Variants in ARID5B observed in about 807,000 individuals in gnomAD.
The protein encoded by ARID5B is AT-rich interactive domain-containing protein 5B.
In ARID5B, 13 loss-of-function variants were observed where a neutral mutation model predicts 97.2. That is an observed-to-expected ratio of 0.13 (90% CI 0.09 to 0.21). ARID5B has a LOEUF of 0.21. Among genes scored for constraint, ARID5B ranks in the 10% least tolerant of loss-of-function variants. ARID5B has a pLI of 1.00. For missense variants in ARID5B, 1,210 were observed against 1,465.3 expected, an observed-to-expected ratio of 0.83 and a Z score of 2.84; for synonymous variants, 556 against 570.3, an observed-to-expected ratio of 0.97 and a Z score of 0.36.
At chr10:62,003,966 CTATT>C (rs1371419296) in intron 4 of ARID5B, among the ~76,000 whole-genome samples, 4 of 151,978 alleles carry the variant, frequency 2.6e-5, no homozygotes, top group African/African-American at 9.7e-5. Flanking sequence ...TTTTATGAAG[CTATT>C]TAATGAAAAG....
intron 4 of ARID5B, among the ~76,000 whole-genome samples, chr10:62,006,251 G>A (rs1351684607): frequency 1.3e-5 from 2 of 152,140 alleles, no homozygotes; most frequent in Non-Finnish European, 2.9e-5. Flanking sequence ...AGACCAGCCT[G>A]GCCAATGTGG....
chr10:62,049,701 A>G (rs1417182356), intron 4 of ARID5B, among the ~76,000 whole-genome samples: 1 of 152,196 alleles, frequency 6.6e-6, no homozygotes, highest in African/African-American at 2.4e-5. Context: ...TTCCACCAAC[A>G]GTAAAACTGT....
At chr10:62,077,608 C>T (rs1840155682) in intron 8 of ARID5B, among the ~76,000 whole-genome samples, 1 of 152,136 alleles carries the variant, frequency 6.6e-6, no homozygotes, top group Non-Finnish European at 1.5e-5. Flanking sequence ...ATCCTACTTC[C>T]TCTGTCCCAT....
intron 3 of ARID5B, among the ~76,000 whole-genome samples, chr10:61,950,895 A>G (rs767216245): frequency 1.3e-5 from 2 of 152,194 alleles, no homozygotes; most frequent in African/African-American, 2.4e-5. Context: ...CTTGGAACAC[A>G]AAGCAGATAT....
chr10:61,929,001 CT>C (rs1201179138), intron 2 of ARID5B, among the ~76,000 whole-genome samples: 4 of 152,148 alleles, frequency 2.6e-5, no homozygotes, highest in Non-Finnish European at 4.4e-5. Flanking sequence ...ATTCTTCCCC[CT>C]ACCCGTCTCC....
chr10:62,003,244 C>T (rs554902995), intron 4 of ARID5B, among the ~76,000 whole-genome samples: 1 of 152,248 alleles, frequency 6.6e-6, no homozygotes, highest in African/African-American at 2.4e-5. Context: ...AGGATTAACA[C>T]ACCTGAAAGG....
intron 3 of ARID5B, among the ~76,000 whole-genome samples, chr10:61,950,404 C>T (rs1375282619): frequency 1.3e-5 from 2 of 152,194 alleles, no homozygotes; most frequent in Middle Eastern, 3.2e-3. Context: ...CACAGTGGCT[C>T]ACGCCTATAA....
intron 4 of ARID5B, among the ~76,000 whole-genome samples, chr10:62,037,589 G>A (rs1186283631): frequency 6.6e-6 from 1 of 152,146 alleles, no homozygotes; most frequent in Non-Finnish European, 1.5e-5. Context: ...CTTTGAGAAC[G>A]CACCTTGTGT....
rs1475698360 is a variant in ARID5B, at chr10:62,093,693, CT to C, written c.*667del. On this transcript the variant is annotated 3_prime_UTR_variant, in exon 10 of 10. Transcript: ENST00000279873. Reference sequence around the variant, plus strand: ...TTTTTTTTTTTATTAAATGGTATTGCTTTTGTTTGCAGGTCTTTTTGTTTTT... The same window carrying C: ...TTTTTTTTTTTATTAAATGGTATTGCTTTGTTTGCAGGTCTTTTTGTTTTT... 1 of 55,422 alleles carries C rather than the reference CT, an allele frequency of 1.8e-5. No individual in the cohort carries two copies. Among genetic ancestry groups the C allele is most frequent in the East Asian group, 1.5e-4 (1 of 6,486 alleles). 3.4% of individuals were successfully genotyped at this position (55,422 alleles called of 1,614,324 possible).
chr10:62,004,668 T>C (rs1156913761), intron 4 of ARID5B, among the ~76,000 whole-genome samples: 1 of 152,256 alleles, frequency 6.6e-6, no homozygotes, highest in Non-Finnish European at 1.5e-5. Context: ...TATTGTGTTA[T>C]TTCCTATGCA....
intron 3 of ARID5B, among the ~76,000 whole-genome samples, chr10:61,962,063 T>C (rs1434117644): frequency 6.6e-6 from 1 of 152,192 alleles, no homozygotes; most frequent in Non-Finnish European, 1.5e-5. Context: ...CGGCAATTTC[T>C]GAATACAGAT....
intron 3 of ARID5B, among the ~76,000 whole-genome samples, chr10:61,943,487 CTGG>C (rs1195116702): frequency 1.4e-5 from 2 of 139,392 alleles, no homozygotes; most frequent in Non-Finnish European, 3.1e-5. Context: ...CCCTTTTTTT[CTGG>C]TGGAAGTAAG....
chr10:61,957,249 A>G (rs1010095170), intron 3 of ARID5B, among the ~76,000 whole-genome samples: 4 of 152,102 alleles, frequency 2.6e-5, no homozygotes, highest in African/African-American at 9.7e-5. Context: ...TTTTTGTTAA[A>G]CATAACTTTA....
chr10:62,067,972 C>T (rs887821108), intron 7 of ARID5B, among the ~76,000 whole-genome samples: 1 of 152,118 alleles, frequency 6.6e-6, no homozygotes, highest in Non-Finnish European at 1.5e-5. Context: ...TGTTGTCACC[C>T]CCAGGGCCCA....
At chr10:61,956,190 C>T (rs779264363) in intron 3 of ARID5B, among the ~76,000 whole-genome samples, 42 of 152,210 alleles carry the variant, frequency 2.8e-4, no homozygotes, top group Non-Finnish European at 2.8e-4. Context: ...CCTGCCTGAA[C>T]ATTACTGCCT....
chr10:61,973,719 C>T (rs1000779651), intron 3 of ARID5B, among the ~76,000 whole-genome samples: 2 of 152,038 alleles, frequency 1.3e-5, no homozygotes, highest in Non-Finnish European at 2.9e-5. Context: ...GGCTTTAATG[C>T]CAATAAAAAG....
chr10:61,914,170 C>G (rs1424295916), intron 2 of ARID5B, among the ~76,000 whole-genome samples: 1 of 152,160 alleles, frequency 6.6e-6, no homozygotes, highest in African/African-American at 2.4e-5. Flanking sequence ...CCAGGAGGGC[C>G]CTCTAATGGG....
At chr10:61,908,104 C>T (rs961431398) in intron 2 of ARID5B, among the ~76,000 whole-genome samples, 5 of 152,100 alleles carry the variant, frequency 3.3e-5, no homozygotes, top group Non-Finnish European at 7.4e-5. Flanking sequence ...GGTTCTAGGA[C>T]ATTAAAATTT....
chr10:62,010,969 A>G (rs1385035401), intron 4 of ARID5B, among the ~76,000 whole-genome samples: 1 of 152,192 alleles, frequency 6.6e-6, no homozygotes, highest in Non-Finnish European at 1.5e-5. Context: ...TTTGGGCTGG[A>G]ATCATATCGG....
Sources: gnomAD v4.1 joint callset for allele counts (sites outside exome capture counted in the v4.1 genomes callset) on GRCh38, gnomAD v4.1.1 for gene constraint, MANE v1.5 for transcripts, NCBI Gene and HGNC (gene_info 2026-07-23, HGNC 2026-07-21) for gene names.